KIAA0513: variants seen among roughly 807,000 people sequenced by gnomAD.
KIAA0513 encodes KIAA0513, also known as uncharacterized protein KIAA0513.
Under a neutral mutation model 56.5 loss-of-function variants are expected in KIAA0513, and 39 were observed. The ratio of observed to expected loss-of-function variants is 0.69; its 90% CI spans 0.53 to 0.90. The LOEUF is 0.90. Among genes scored for constraint, KIAA0513 ranks in the 40% least tolerant of loss-of-function variants. The pLI, the probability that KIAA0513 is intolerant of heterozygous loss-of-function variation, is 0.00. For synonymous variants in KIAA0513, 268 were observed against 215.6 expected (o/e 1.24, Z -2.13); for missense variants, 591 against 535.2 (o/e 1.10, Z -1.03).
intron 1 of KIAA0513, among the ~76,000 whole-genome samples, chr16:85,047,624 A>G (rs2073189592): frequency 6.6e-6 from 1 of 152,150 alleles, no homozygotes; most frequent in Non-Finnish European, 1.5e-5. Context: ...CACTGTTGCC[A>G]CCACTGCCGC....
chr16:85,086,917 G>C, intron 11 of KIAA0513, 155 bp from the exon 12 acceptor site: 1 of 837,648 alleles, frequency 1.2e-6, no homozygotes. Flanking sequence ...GTGCCACAGT[G>C]AGAGTTGCTG....
intron 10 of KIAA0513, among the ~76,000 whole-genome samples, chr16:85,083,012 T>C (rs2073765540): frequency 1.3e-5 from 2 of 152,228 alleles, no homozygotes; most frequent in East Asian, 1.9e-4. Flanking sequence ...CTGTTCACAC[T>C]GGAGAAGTGG....
chr16:85,081,652 C>G lies in KIAA0513; in HGVS notation c.980+260C>G, dbSNP rs545099861. Among the ~76,000 whole-genome samples, 5 of 152,282 alleles carry G rather than the reference C, an allele frequency of 3.3e-5. No individual in the cohort carries two copies. ...TGACCCTCCTAAAAATGCAAACTCC[C>G]ACTAAGACCATCAGGACCCCTGCTG... is the stretch of plus-strand genomic sequence containing the variant. On this transcript the variant is annotated intron_variant, in intron 9 of 12. Coordinates refer to ENST00000683363, the MANE Select transcript of KIAA0513 (RefSeq NM_001388359.1). This position sits in a 1 kb window ranked among gnomAD's most constrained non-coding sequence, Gnocchi z 4.4.
chr16:85,088,089 C>T (rs757461991), intron 12 of KIAA0513, among the ~76,000 whole-genome samples, 187 bp from the exon 13 acceptor site: 47 of 152,264 alleles, frequency 3.1e-4, no homozygotes, highest in Non-Finnish European at 4.4e-5. Context: ...GTGTGCAATG[C>T]GCCCTCATGG....
intron 1 of KIAA0513, among the ~76,000 whole-genome samples, chr16:85,059,349 T>C (rs539797175): frequency 6.6e-6 from 1 of 152,342 alleles, no homozygotes; most frequent in South Asian, 2.1e-4. Flanking sequence ...CTGGTGCCAG[T>C]TTGGGAACCA....
chr16:85,043,267 C>G (rs2073126944), intron 1 of KIAA0513, among the ~76,000 whole-genome samples: 1 of 152,164 alleles, frequency 6.6e-6, no homozygotes, highest in South Asian at 2.1e-4. Context: ...AAAACAAGTT[C>G]TCTTACCCAG....
intron 1 of KIAA0513, among the ~76,000 whole-genome samples, chr16:85,041,384 G>C (rs1260600629): frequency 6.6e-6 from 1 of 152,236 alleles, no homozygotes; most frequent in Non-Finnish European, 1.5e-5. Flanking sequence ...GCCCCAGGCA[G>C]AGTGGAGTTC....
At chr16:85,040,465 G>C (rs1378254639) in intron 1 of KIAA0513, among the ~76,000 whole-genome samples, 1 of 152,152 alleles carries the variant, frequency 6.6e-6, no homozygotes, top group Non-Finnish European at 1.5e-5. Flanking sequence ...GGGAGGTGGA[G>C]GTTGCGGTGA....
At chr16:85,060,115 C>G (rs780272616) in intron 1 of KIAA0513, among the ~76,000 whole-genome samples, 32 of 152,164 alleles carry the variant, frequency 2.1e-4, no homozygotes, top group Non-Finnish European at 3.4e-4. Context: ...CATGCACCAC[C>G]AGGCCTGGCT....
chr16:85,074,519 C>G (rs1242270400), intron 4 of KIAA0513, among the ~76,000 whole-genome samples: 1 of 152,184 alleles, frequency 6.6e-6, no homozygotes, highest in Non-Finnish European at 1.5e-5. Context: ...CTTCATGTCT[C>G]TCCACTTTCT....
intron 1 of KIAA0513, among the ~76,000 whole-genome samples, chr16:85,065,932 A>G (rs2073474867): frequency 6.6e-6 from 1 of 152,226 alleles, no homozygotes; most frequent in South Asian, 2.1e-4. Flanking sequence ...GAGCATGTTC[A>G]CAATCCGGTC....
At chr16:85,056,545 AC>A (rs1465349072) in intron 1 of KIAA0513, among the ~76,000 whole-genome samples, 1 of 151,788 alleles carries the variant, frequency 6.6e-6, no homozygotes, top group Non-Finnish European at 1.5e-5. Context: ...CTTAAAACCC[AC>A]CCAGCCTTCC....
At chr16:85,056,669 C>T (rs1292672203) in intron 1 of KIAA0513, among the ~76,000 whole-genome samples, 2 of 152,174 alleles carry the variant, frequency 1.3e-5, no homozygotes, top group African/African-American at 4.8e-5. Context: ...ACGGTGCTGG[C>T]CCCCTCTGCT....
rs2073892899 is a variant in KIAA0513, at chr16:85,093,634, G to A, written c.*5309G>A. The A allele has an allele frequency of 6.6e-6, 1 of 152,416 alleles. No homozygotes were observed. Among genetic ancestry groups the A allele is most frequent in the African/African-American group, 2.4e-5 (1 of 41,448 alleles). The allele number at this position is 152,416 out of a possible 1,614,324, so 9.4% of individuals were successfully genotyped here. ...GTGGGGGACGACCGCATGCACTCTG[G>A]GAGGTGCAGCCCTAAGGGGTGGACT... On this transcript the variant is annotated 3_prime_UTR_variant, in exon 13 of 13. Transcript: ENST00000683363.
intron 1 of KIAA0513, among the ~76,000 whole-genome samples, chr16:85,048,538 C>T (rs1008984713): frequency 4.7e-5 from 7 of 149,774 alleles, no homozygotes; most frequent in Non-Finnish European, 7.4e-5. Flanking sequence ...CCCTTTTTTT[C>T]TCAAAAAACA....
chr16:85,027,910 G>A (rs1394134346), intron 1 of KIAA0513, 52 bp downstream of exon 1: 1 of 152,066 alleles, frequency 6.6e-6, no homozygotes, highest in African/African-American at 2.4e-5. Context: ...GGGGAAGGAT[G>A]ACCCGGGAGG....
At chr16:85,082,699 G>A in intron 10 of KIAA0513, 106 bp downstream of exon 10, 3 of 1,224,132 alleles carry the variant, frequency 2.5e-6, no homozygotes, top group African/African-American at 1.5e-5. Flanking sequence ...AGCAGGCACA[G>A]CCCAGACGCA....
chr16:85,065,255 AG>A (rs1251118043), intron 1 of KIAA0513, among the ~76,000 whole-genome samples: 1 of 152,192 alleles, frequency 6.6e-6, no homozygotes, highest in Non-Finnish European at 1.5e-5. Flanking sequence ...TGCCTCGGCC[AG>A]GGGGGACCCA....
chr16:85,069,385 T>TG (rs2073538647), intron 2 of KIAA0513, among the ~76,000 whole-genome samples: 1 of 152,108 alleles, frequency 6.6e-6, no homozygotes, highest in Admixed American at 6.5e-5. Flanking sequence ...AGCAGCTGAT[T>TG]CAGAAGCAGC....
Sources: gnomAD v4.1 joint callset for allele counts (sites outside exome capture counted in the v4.1 genomes callset) on GRCh38, gnomAD v4.1.1 for gene constraint, Gnocchi (gnomAD v3.1) non-coding constraint, MANE v1.5 for transcripts, NCBI Gene and HGNC (gene_info 2026-07-23, HGNC 2026-07-21) for gene names.